Variants in EPS15L1 observed in about 807,000 individuals in gnomAD.
EPS15L1 encodes epidermal growth factor receptor substrate 15-like 1.
Under a neutral mutation model 117.1 loss-of-function variants are expected in EPS15L1, and 43 were observed. That is an observed-to-expected ratio of 0.37 (90% CI 0.29 to 0.47). The LOEUF is 0.47. Ranked by LOEUF, EPS15L1 falls within the 20% of genes least tolerant of loss-of-function variation. The pLI, the probability that EPS15L1 is intolerant of heterozygous loss-of-function variation, is 0.99. For missense variants in EPS15L1, 981 were observed against 1,164.0 expected, an observed-to-expected ratio of 0.84 and a Z score of 2.29; for synonymous variants, 459 against 470.5, an observed-to-expected ratio of 0.98 and a Z score of 0.32.
intron 1 of EPS15L1, among the ~76,000 whole-genome samples, chr19:16,448,256 C>T (rs1171187227): frequency 6.6e-6 from 1 of 152,144 alleles, no homozygotes; most frequent in South Asian, 2.1e-4. Flanking sequence ...TAAGGCCTGG[C>T]GTGGTGGTTC....
At chr19:16,355,987 G>C in intron 23 of EPS15L1, 136 bp from the exon 24 acceptor site, 1 of 1,108,228 alleles carries the variant, frequency 9.0e-7, no homozygotes, top group Non-Finnish European at 1.3e-6. Context: ...CAGGGGATAA[G>C]CATGTCTTGG....
chr19:16,434,476 G>C lies in EPS15L1; in HGVS notation c.387C>G (p.Ala129=). Residue 129 remains alanine (A), a synonymous_variant, in exon 7 of 24, where the codon GCC becomes GCG. Coordinates refer to ENST00000455140, the MANE Select transcript of EPS15L1 (RefSeq NM_001258374.3). The part of the protein sequence containing the change: ...AHWAVRVEEK[A]KFDGIFESLL... ...GGCTTTCAAAAATCCCATCAAATTTGGCCTTTTCTTCCACCTAGTTGGAAA... is the reference window on the plus strand; with the variant it reads ...GGCTTTCAAAAATCCCATCAAATTTCGCCTTTTCTTCCACCTAGTTGGAAA... 1 of 1,613,856 alleles carries C rather than the reference G, an allele frequency of 6.2e-7. No homozygotes were observed.
chr19:16,394,088 C>G, intron 17 of EPS15L1, 87 bp from the exon 18 acceptor site: 4 of 1,084,648 alleles, frequency 3.7e-6, no homozygotes, highest in Non-Finnish European at 5.7e-6. Context: ...ACCTCCCAAG[C>G]CTTTCATTGC....
intron 16 of EPS15L1, chr19:16,401,620 G>T (rs980773322): frequency 1.0e-6 from 1 of 985,360 alleles, no homozygotes; most frequent in East Asian, 1.1e-4. Flanking sequence ...AGACTCTGGT[G>T]TGAACAGGGG....
chr19:16,400,103 G>A (rs1292086414), intron 16 of EPS15L1, among the ~76,000 whole-genome samples: 1 of 152,110 alleles, frequency 6.6e-6, no homozygotes, highest in African/African-American at 2.4e-5. Context: ...TGGGGAGGTC[G>A]AGGCGGGCAG....
chr19:16,391,569 T>TATGAAGC lies in EPS15L1; in HGVS notation c.2103+728_2103+734dup, dbSNP rs1186952097. 6.0e-5 allele frequency among the ~76,000 whole-genome samples: 9 copies of TATGAAGC among 150,934 alleles called. No homozygotes were observed. In the South Asian group the frequency reaches 1.9e-3, roughly 32 times the overall value. On this transcript the variant is annotated intron_variant, in intron 19 of 23. Transcript: ENST00000455140. ...TGCAGCCTAGAAAACGGAAGAAGGCTATGAAGCACGCTCACTCCATCATGA... is the reference window on the plus strand; with the variant it reads ...TGCAGCCTAGAAAACGGAAGAAGGCTATGAAGCATGAAGCACGCTCACTCCATCATGA...
chr19:16,471,925 G>A lies in EPS15L1; in HGVS notation c.21C>T (p.Pro7=). The change falls in exon 1 of 24, where the codon CCC becomes CCT. Residue 7 remains proline, a synonymous_variant. Transcript: ENST00000455140. The surrounding 1 kb of genome is among the most constrained non-coding windows in gnomAD (Gnocchi z 4.8). ...GCCCGGCCCGTACCTGCTGGGAGAG[G>A]GGGATGAGCGGCGCCGCCATCTTCC... MAAPLI[P]LSQQIPTGNS... is the part of the protein sequence containing the mutation. The A allele has an allele frequency of 7.7e-7, 1 of 1,295,642 alleles. No homozygotes were observed. The highest frequency in any genetic ancestry group is 9.8e-7 in the Non-Finnish European group (1 of 1,023,318). 80.3% of individuals were successfully genotyped at this position (1,295,642 alleles called of 1,614,324 possible). A position where few individuals can be genotyped will look rare whatever the true frequency, so the allele number is the denominator to read the frequency against.
rs1030593831 is a variant in EPS15L1 at position 16,471,063 on chromosome 19, G to A, written c.33+850C>T. Among the ~76,000 whole-genome samples the A allele has an allele frequency of 2.6e-5, 4 of 152,176 alleles. No individual in the cohort carries two copies. The highest frequency in any genetic ancestry group is 5.9e-5 in the Non-Finnish European group (4 of 68,028). On this transcript the variant is annotated intron_variant, in intron 1 of 23. Coordinates refer to ENST00000455140, the MANE Select transcript of EPS15L1 (RefSeq NM_001258374.3). The surrounding 1 kb of genome is among the most constrained non-coding windows in gnomAD (Gnocchi z 4.8). ...CACTCTTAATCACCATGCTGTGCTA[G>A]ATCATTCTAGCAAAATGCTTATATG...
rs575727876 is a variant in EPS15L1 at position 16,381,792 on chromosome 19, T to G, written c.2247+3337A>C. ...ACACTGGCCCGTCTGTGGGTGCTTC[T>G]GCGATTCATGGAACATGTCCCTGGG... On this transcript the variant is annotated intron_variant, in intron 21 of 23. Coordinates refer to ENST00000455140, the MANE Select transcript of EPS15L1 (RefSeq NM_001258374.3). The surrounding 1 kb of genome is among the most constrained non-coding windows in gnomAD (Gnocchi z 4.2). 3.4e-4 allele frequency among the ~76,000 whole-genome samples: 52 copies of G among 152,280 alleles called. No homozygotes were observed. In the South Asian group the frequency reaches 0.01, roughly 30 times the overall value.
chr19:16,377,397 T>TG, intron 21 of EPS15L1, 143 bp from the exon 22 acceptor site: 1 of 891,796 alleles, frequency 1.1e-6, no homozygotes, highest in Non-Finnish European at 1.7e-6. Flanking sequence ...TGCTTGGACG[T>TG]GGGGTCTCTT....
At chr19:16,401,698 G>T in intron 16 of EPS15L1, 1 of 985,438 alleles carries the variant, frequency 1.0e-6, no homozygotes, top group Non-Finnish European at 1.2e-6. Context: ...TCTCAAAAAT[G>T]TAAGGGGCCG....
chr19:16,377,201 A>G lies in EPS15L1; in HGVS notation c.2301T>C (p.Asp767=), dbSNP rs772418301. The change falls in exon 22 of 24, where the codon GAT becomes GAC. Residue 767 remains aspartate, a synonymous_variant. Coordinates refer to ENST00000455140, the MANE Select transcript of EPS15L1 (RefSeq NM_001258374.3). ...TGTCCTGTTTACTTTTAAAGGGGTC[A>G]TCTGAGAATCCTGCCCCTCCCAAGG... ...TSSLGGAGFS[D]DPFKSKQDTP... is the part of the protein sequence containing the mutation. 5 of 1,613,134 alleles carry G rather than the reference A, an allele frequency of 3.1e-6. No homozygotes were observed. In the South Asian group the frequency reaches 3.3e-5, roughly 11 times the overall value.
chr19:16,440,811 C>T, intron 4 of EPS15L1, 51 bp downstream of exon 4: 1 of 1,569,008 alleles, frequency 6.4e-7, no homozygotes, highest in Non-Finnish European at 8.8e-7. Flanking sequence ...GTCACCCAGC[C>T]TGGGGGCTCT....
At chr19:16,457,410 T>A (rs1360160538) in intron 1 of EPS15L1, among the ~76,000 whole-genome samples, 1 of 152,008 alleles carries the variant, frequency 6.6e-6, no homozygotes, top group Admixed American at 6.6e-5. Context: ...AGGCCCCCCC[T>A]CCATGGCTGA....
At chr19:16,372,205 C>T (rs1414510121) in intron 22 of EPS15L1, among the ~76,000 whole-genome samples, 2 of 152,170 alleles carry the variant, frequency 1.3e-5, no homozygotes, top group South Asian at 2.1e-4. Context: ...CTCAGCTGTA[C>T]GCTGTGACCG....
intron 13 of EPS15L1, among the ~76,000 whole-genome samples, chr19:16,410,169 GA>G: frequency 1.3e-5 from 2 of 150,674 alleles, no homozygotes; most frequent in East Asian, 1.9e-4. Flanking sequence ...AAATCGGCAA[GA>G]AAAAAATTTT....
rs752708341 is a variant in EPS15L1, at chr19:16,392,371, T to C, written c.2036A>G (p.Lys679Arg). 6.2e-7 allele frequency: 1 copy of C among 1,614,214 alleles called. No homozygotes were observed. Among genetic ancestry groups the C allele is most frequent in the Non-Finnish European group, 8.5e-7 (1 of 1,180,016 alleles). The change falls in exon 19 of 24, where the codon AAG (lysine) becomes AGG (arginine). Residue 679 changes from lysine to arginine, a missense_variant. By Grantham distance (26) the Lys-to-Arg change is conservative. Transcript: ENST00000455140. ...FRGSATDDFF[K>R]KQTKNDPFTS... ...AAATGGGTCATTCTTTGTCTGTTTCTTGAAGAAGTCGTCAGTGGCAGAGCC... is the reference window on the plus strand; with the variant it reads ...AAATGGGTCATTCTTTGTCTGTTTCCTGAAGAAGTCGTCAGTGGCAGAGCC...
chr19:16,386,614 T>A (rs2092423100), intron 19 of EPS15L1, among the ~76,000 whole-genome samples: 1 of 152,186 alleles, frequency 6.6e-6, no homozygotes, highest in Non-Finnish European at 1.5e-5. Context: ...TGGTAGAATC[T>A]GACCACCAGA....
At chr19:16,402,296 T>C (rs761427985) in intron 16 of EPS15L1, 25 bp downstream of exon 16, 2 of 1,589,178 alleles carry the variant, frequency 1.3e-6, no homozygotes, top group East Asian at 4.5e-5. Context: ...AGCCCCATAC[T>C]GTAATACGTT....
Sources: allele counts gnomAD v4.1 joint callset (sites outside exome capture counted in the v4.1 genomes callset), GRCh38; gene constraint gnomAD v4.1.1; non-coding constraint Gnocchi (gnomAD v3.1); transcripts MANE v1.5; gene names NCBI Gene and HGNC (gene_info 2026-07-23, HGNC 2026-07-21).